The following ABCA4 variants were observed in gnomAD, a reference collection of about 807,000 sequenced individuals.
ABCA4 encodes ATP binding cassette subfamily A member 4, also known as retinal-specific phospholipid-transporting ATPase ABCA4.
ABCA4 carries 196 observed loss-of-function variants against 263.7 expected under a neutral mutation model. That is an observed-to-expected ratio of 0.74 (90% CI 0.66 to 0.84). The LOEUF (loss-of-function observed/expected upper bound fraction) is 0.84, where lower values mean the gene tolerates loss of function less well. Ranked by LOEUF, ABCA4 falls within the 40% of genes least tolerant of loss-of-function variation. ABCA4 has a pLI of 0.00. For missense variants in ABCA4, 2,792 were observed against 2,855.1 expected (o/e 0.98, Z 0.50); for synonymous variants, 1,133 against 1,094.2 (o/e 1.04, Z -0.70).
intron 38 of ABCA4, 135 bp from the exon 39 acceptor site, chr1:94,011,520 GC>G: frequency 7.2e-7 from 1 of 1,397,626 alleles, no homozygotes; most frequent in Non-Finnish European, 1.0e-6. Context: ...AGCCAGACTG[GC>G]CACTGGAGGG....
chr1:94,014,436 C>T, intron 38 of ABCA4, 107 bp downstream of exon 38: 22 of 1,312,154 alleles, frequency 1.7e-5, no homozygotes, highest in Non-Finnish European at 2.4e-5. Flanking sequence ...TGGCACTCAT[C>T]CGCATACAGC....
At chr1:94,022,057 G>T in intron 32 of ABCA4, 106 bp from the exon 33 acceptor site, 1 of 914,650 alleles carries the variant, frequency 1.1e-6, no homozygotes, top group Non-Finnish European at 1.8e-6. Context: ...GGAATTGCCT[G>T]GACCAGCGAG....
chr1:94,092,795 C>A (rs140169263), intron 6 of ABCA4, among the ~76,000 whole-genome samples: 5 of 144,626 alleles, frequency 3.5e-5, no homozygotes, highest in East Asian at 2.0e-4. Context: ...ATGAGACAGA[C>A]CTTCTCCTAG....
At chr1:94,095,228 C>T (rs1028235251) in intron 6 of ABCA4, among the ~76,000 whole-genome samples, 8 of 152,006 alleles carry the variant, frequency 5.3e-5, no homozygotes, top group African/African-American at 1.9e-4. Flanking sequence ...ACACTCACTT[C>T]TGATCTCCAA....
intron 30 of ABCA4, among the ~76,000 whole-genome samples, chr1:94,027,000 A>AAGAGTGAG (rs1198693554): frequency 1.4e-4 from 22 of 151,746 alleles, no homozygotes; most frequent in Non-Finnish European, 2.9e-4. Context: ...AAGAGTGAGA[A>AAGAGTGAG]AGAGTGAGAG....
intron 14 of ABCA4, among the ~76,000 whole-genome samples, chr1:94,058,372 TA>T (rs1661033231): frequency 6.6e-6 from 1 of 152,254 alleles, no homozygotes. Flanking sequence ...TTTATTTATT[TA>T]TTTTTTTAGA....
At chr1:94,114,558 C>G (rs1374872617) in intron 1 of ABCA4, among the ~76,000 whole-genome samples, 3 of 152,072 alleles carry the variant, frequency 2.0e-5, no homozygotes, top group Non-Finnish European at 4.4e-5. Context: ...ACGATCTTGG[C>G]TCACTGCAAG....
At chr1:94,075,367 G>C (rs1570403724) in intron 11 of ABCA4, among the ~76,000 whole-genome samples, 1 of 152,028 alleles carries the variant, frequency 6.6e-6, no homozygotes, top group African/African-American at 2.4e-5. Context: ...AAAAAATCCT[G>C]TTTTATAAAA....
chr1:94,058,480 G>C (rs545797276), intron 14 of ABCA4, among the ~76,000 whole-genome samples: 1 of 152,294 alleles, frequency 6.6e-6, no homozygotes, highest in Non-Finnish European at 1.5e-5. Flanking sequence ...TCCTTGCTCA[G>C]TCTCCTGAGT....
intron 3 of ABCA4, among the ~76,000 whole-genome samples, chr1:94,109,630 G>A (rs1662546240): frequency 6.6e-6 from 1 of 152,190 alleles, no homozygotes; most frequent in African/African-American, 2.4e-5. Context: ...CATGGAGAGA[G>A]GTGAATGGAG....
intron 5 of ABCA4, among the ~76,000 whole-genome samples, chr1:94,099,503 C>G (rs1662230629): frequency 6.6e-6 from 1 of 152,086 alleles, no homozygotes; most frequent in Non-Finnish European, 1.5e-5. Context: ...CAATACAATC[C>G]CCATACCTCA....
intron 26 of ABCA4, among the ~76,000 whole-genome samples, chr1:94,032,313 G>A (rs994311167): frequency 3.3e-5 from 5 of 152,152 alleles, no homozygotes; most frequent in African/African-American, 1.2e-4. Flanking sequence ...TTGACATGGA[G>A]AAGTTTAAAA....
Position 94,037,576 on chromosome 1 carries a change from C to T in ABCA4, c.3608-226G>A, listed in dbSNP as rs77785614. Among the ~76,000 whole-genome samples, 253 of 151,902 alleles carry T rather than the reference C, an allele frequency of 1.7e-3. 2 individuals are homozygous for T. In the East Asian group the frequency reaches 0.026, roughly 16 times the overall value. ...GAGGGAAACGGAAGCAAAGTCCTCCCGACTAGCTAGCTGTGCAACCTGGGG... is the reference window on the plus strand; with the variant it reads ...GAGGGAAACGGAAGCAAAGTCCTCCTGACTAGCTAGCTGTGCAACCTGGGG... On this transcript the variant is annotated intron_variant, in intron 24 of 49. Transcript: ENST00000370225.
intron 44 of ABCA4, among the ~76,000 whole-genome samples, chr1:94,003,566 AATT>A (rs1280728349): frequency 2.0e-5 from 3 of 152,058 alleles, no homozygotes; most frequent in Non-Finnish European, 4.4e-5. Context: ...TCCATTGTAA[AATT>A]ATTATGTTTC....
chr1:94,060,046 A>G (rs1213392945), intron 14 of ABCA4, among the ~76,000 whole-genome samples: 2 of 152,182 alleles, frequency 1.3e-5, no homozygotes, highest in African/African-American at 4.8e-5. Context: ...TGGTGAAGCC[A>G]TGTAGGAGGT....
chr1:94,047,462 C>T (rs1396806955), intron 18 of ABCA4, among the ~76,000 whole-genome samples: 1 of 152,142 alleles, frequency 6.6e-6, no homozygotes, highest in Non-Finnish European at 1.5e-5. Context: ...GATTTGAACC[C>T]AGAGCCCATG....
intron 6 of ABCA4, among the ~76,000 whole-genome samples, chr1:94,093,423 G>T (rs568178851): frequency 6.6e-6 from 1 of 152,318 alleles, no homozygotes; most frequent in African/African-American, 2.4e-5. Context: ...GTTCTGTAGA[G>T]ATAAAACATA....
chr1:94,005,638 A>T, intron 43 of ABCA4, 56 bp from the exon 44 acceptor site: 1 of 1,578,238 alleles, frequency 6.3e-7, no homozygotes. Flanking sequence ...GGATGACCAT[A>T]GAGCTAGGGC....
intron 19 of ABCA4, chr1:94,045,693 G>T (rs1275221997): frequency 2.2e-6 from 1 of 451,720 alleles, no homozygotes; most frequent in East Asian, 7.0e-5. Flanking sequence ...AAATCTCCGC[G>T]ATCAACCACT....
Sources: allele counts gnomAD v4.1 joint callset (sites outside exome capture counted in the v4.1 genomes callset), GRCh38; gene constraint gnomAD v4.1.1; transcripts MANE v1.5; gene names NCBI Gene and HGNC (gene_info 2026-07-23, HGNC 2026-07-21).